LINGO2: variants seen among roughly 807,000 people sequenced by gnomAD.
The protein encoded by LINGO2 is leucine-rich repeat and immunoglobulin-like domain-containing nogo receptor-interacting protein 2.
In LINGO2, 14 loss-of-function variants were observed where a neutral mutation model predicts 30.6. The observed-to-expected ratio is 0.46, with a 90% CI of 0.30 to 0.72. LINGO2 has a LOEUF of 0.72. Among genes scored for constraint, LINGO2 ranks in the 30% least tolerant of loss-of-function variants. LINGO2 has a pLI of 0.07. For synonymous variants in LINGO2, 317 were observed against 288.5 expected (o/e 1.10, Z -1.00); for missense variants, 729 against 751.7 (o/e 0.97, Z 0.35).
At chr9:28,877,109 T>C in the LINGO2 span, among the ~76,000 whole-genome samples, 1 of 151,918 alleles carries the variant, frequency 6.6e-6, no homozygotes, top group Non-Finnish European at 1.5e-5. Context: ...TGTTTTTTTT[T>C]TTTGTAAATT....
the LINGO2 span, among the ~76,000 whole-genome samples, chr9:28,954,029 T>G: frequency 1.3e-5 from 2 of 152,118 alleles, no homozygotes; most frequent in Non-Finnish European, 2.9e-5. Context: ...ATCCGAATAA[T>G]TTTAAAGTAT....
chr9:28,252,225 CT>C (rs556310736), intron 4 of LINGO2, among the ~76,000 whole-genome samples: 2 of 151,728 alleles, frequency 1.3e-5, no homozygotes, highest in Non-Finnish European at 2.9e-5. Flanking sequence ...CATAGTAACA[CT>C]TTTTTTTGTT....
At chr9:28,355,321 C>G (rs765281212) in intron 3 of LINGO2, among the ~76,000 whole-genome samples, 13,832 of 133,626 alleles carry the variant, frequency 0.1, 1,318 homozygotes, top group Admixed American at 0.17. Flanking sequence ...CTCTCTCTCT[C>G]TCTCTGTCTC....
chr9:28,645,109 T>C (rs1267125018), intron 1 of LINGO2, among the ~76,000 whole-genome samples: 1 of 152,278 alleles, frequency 6.6e-6, no homozygotes, highest in East Asian at 1.9e-4. Flanking sequence ...TATATTCTCT[T>C]ATCCGATGGT....
the LINGO2 span, among the ~76,000 whole-genome samples, chr9:28,916,166 A>G: frequency 2.0e-5 from 3 of 152,206 alleles, no homozygotes; most frequent in African/African-American, 7.2e-5. Context: ...CTGACAAAGC[A>G]GACGCTTTGT....
chr9:28,611,495 T>C (rs1381098276), intron 1 of LINGO2, among the ~76,000 whole-genome samples: 1 of 152,134 alleles, frequency 6.6e-6, no homozygotes, highest in Non-Finnish European at 1.5e-5. Flanking sequence ...TTACTCATCC[T>C]GCCTAACTGA....
chr9:28,561,091 A>C (rs1405681612), intron 1 of LINGO2, among the ~76,000 whole-genome samples: 1 of 152,072 alleles, frequency 6.6e-6, no homozygotes, highest in Non-Finnish European at 1.5e-5. Flanking sequence ...GTGGCAAGTG[A>C]GGAAAGAAGG....
chr9:28,660,670 A>C (rs1488462410), intron 1 of LINGO2, among the ~76,000 whole-genome samples: 1 of 152,134 alleles, frequency 6.6e-6, no homozygotes, highest in African/African-American at 2.4e-5. Context: ...ATACTTGCTA[A>C]TTCAGGATAT....
the LINGO2 span, among the ~76,000 whole-genome samples, chr9:28,947,685 T>G: frequency 6.6e-6 from 1 of 151,512 alleles, no homozygotes; most frequent in Non-Finnish European, 1.5e-5. Flanking sequence ...AGAAAACCCA[T>G]ACACACACAC....
At chr9:29,031,038 T>G in the LINGO2 span, among the ~76,000 whole-genome samples, 1 of 152,104 alleles carries the variant, frequency 6.6e-6, no homozygotes, top group African/African-American at 2.4e-5. Flanking sequence ...TCCTTATACA[T>G]TTTAAGTAAC....
chr9:28,117,871 A>C (rs1204098596), intron 4 of LINGO2, among the ~76,000 whole-genome samples: 1 of 152,236 alleles, frequency 6.6e-6, no homozygotes, highest in Non-Finnish European at 1.5e-5. Flanking sequence ...CACCCCCAGA[A>C]TAAATGTTTA....
rs1461612399 is a variant in LINGO2 at position 28,259,389 on chromosome 9, GGAA to G, written c.-87+35816_-87+35818del. The stretch of plus-strand genomic sequence containing the variant: ...CTAGGAGGTACTGGAAGAAGGGCAT[GGAA>G]ATAGTTTCCTTTACCTCCTGGAGAG... On this transcript the variant is annotated intron_variant, in intron 4 of 5. Coordinates refer to ENST00000379992, the Ensembl canonical transcript of LINGO2. 3.3e-5 allele frequency among the ~76,000 whole-genome samples: 5 copies of G among 152,044 alleles called. No homozygotes were observed. In the East Asian group the frequency reaches 9.7e-4, roughly 30 times the overall value.
chr9:29,018,259 A>G, the LINGO2 span, among the ~76,000 whole-genome samples: 2 of 151,624 alleles, frequency 1.3e-5, no homozygotes, highest in African/African-American at 2.4e-5. Context: ...ACACATAGAC[A>G]TAAAGATTAA....
downstream of LINGO2, among the ~76,000 whole-genome samples, chr9:27,945,946 G>A (rs1823348278): frequency 6.6e-6 from 1 of 152,102 alleles, no homozygotes; most frequent in Non-Finnish European, 1.5e-5. Flanking sequence ...TATGATCTAA[G>A]CACTGACACA....
chr9:28,996,632 T>C, the LINGO2 span, among the ~76,000 whole-genome samples: 1 of 152,214 alleles, frequency 6.6e-6, no homozygotes, highest in South Asian at 2.1e-4. Flanking sequence ...TTCCTTTTTG[T>C]TGTCAGTTGA....
intron 5 of LINGO2, among the ~76,000 whole-genome samples, chr9:28,003,340 TATATAG>T: frequency 7.6e-6 from 1 of 132,134 alleles, no homozygotes; most frequent in East Asian, 2.1e-4. Context: ...GATATATAGA[TATATAG>T]ATAGATAGAT....
chr9:28,163,055 C>T (rs771532832), intron 4 of LINGO2, among the ~76,000 whole-genome samples: 2 of 151,816 alleles, frequency 1.3e-5, no homozygotes, highest in Non-Finnish European at 2.9e-5. Flanking sequence ...TATCTTTTGG[C>T]AAGAAAGGTA....
At chr9:28,281,842 T>C (rs1748219055) in intron 4 of LINGO2, among the ~76,000 whole-genome samples, 1 of 152,150 alleles carries the variant, frequency 6.6e-6, no homozygotes, top group Non-Finnish European at 1.5e-5. Context: ...AAGCTGCAAA[T>C]GCCTTCTTAG....
intron 2 of LINGO2, among the ~76,000 whole-genome samples, chr9:28,449,730 T>C (rs1403412960): frequency 1.3e-5 from 2 of 152,088 alleles, no homozygotes; most frequent in African/African-American, 2.4e-5. Context: ...ATTTCTTACC[T>C]GATTTTCTTT....
Sources: gnomAD v4.1 joint callset for allele counts (sites outside exome capture counted in the v4.1 genomes callset) on GRCh38, gnomAD v4.1.1 for gene constraint, MANE v1.5 for transcripts, NCBI Gene and HGNC (gene_info 2026-07-23, HGNC 2026-07-21) for gene names.